Variants in CYP4F22 observed in about 807,000 individuals in gnomAD.
The protein encoded by CYP4F22 is cytochrome P450 family 4 subfamily F member 22, also known as ultra-long-chain fatty acid omega-hydroxylase.
A neutral mutation model predicts 60.4 loss-of-function variants in CYP4F22; 37 were observed. That is an observed-to-expected ratio of 0.61 (90% CI 0.47 to 0.81). The LOEUF (loss-of-function observed/expected upper bound fraction) is 0.81. Ranked by LOEUF, CYP4F22 falls within the 30% of genes least tolerant of loss-of-function variation. The pLI, the probability that CYP4F22 is intolerant of heterozygous loss-of-function variation, is 0.00. For synonymous variants in CYP4F22, 258 were observed against 280.5 expected (o/e 0.92, Z 0.80); for missense variants, 655 against 715.0 (o/e 0.92, Z 0.96).
intron 1 of CYP4F22, among the ~76,000 whole-genome samples, chr19:15,511,425 C>A (rs924522082): frequency 6.6e-6 from 1 of 152,068 alleles, no homozygotes. Flanking sequence ...CACCACTGCA[C>A]TCCAGCCTGA....
At position 15,540,727 on chromosome 19, in the gene CYP4F22, G is replaced by C. The variant is rs1568361500; in HGVS notation, c.939+10G>C. 1.4e-6 allele frequency: 1 copy of C among 729,958 alleles called. No homozygotes were observed. The highest frequency in any genetic ancestry group is 4.4e-4 in the Middle Eastern group (1 of 2,264). The allele number at this position is 729,958 out of a possible 1,614,324, so 45.2% of individuals were successfully genotyped here. ...GCTGCTCCTGGCCAGGGTGAGGCTG[G>C]GCCCCCTGGAATTGCTGGCCTCCCG... is the stretch of plus-strand genomic sequence containing the variant. On this transcript the variant is annotated intron_variant, in intron 8 of 13. Coordinates refer to ENST00000269703, the MANE Select transcript of CYP4F22 (RefSeq NM_173483.4).
intron 8 of CYP4F22, among the ~76,000 whole-genome samples, chr19:15,541,865 CAAA>C (rs1052977392): frequency 4.0e-5 from 4 of 99,668 alleles, no homozygotes; most frequent in Admixed American, 1.0e-4. Context: ...AACTCCGTCT[CAAA>C]AAAAAAAAAA....
At chr19:15,510,812 G>A (rs1022616527) in intron 1 of CYP4F22, among the ~76,000 whole-genome samples, 2 of 151,776 alleles carry the variant, frequency 1.3e-5, no homozygotes, top group African/African-American at 2.4e-5. Flanking sequence ...AGAGTGCTGA[G>A]TGGAGACTGA....
intron 7 of CYP4F22, among the ~76,000 whole-genome samples, chr19:15,538,579 AACAG>A (rs1971425888): frequency 6.6e-6 from 1 of 152,214 alleles, no homozygotes; most frequent in Non-Finnish European, 1.5e-5. Flanking sequence ...GGTGGTGAAC[AACAG>A]ACAGTCACAG....
At chr19:15,512,992 TTCTCTC>T (rs146066093) in intron 1 of CYP4F22, among the ~76,000 whole-genome samples, 5 of 148,196 alleles carry the variant, frequency 3.4e-5, no homozygotes, top group South Asian at 2.2e-4. Context: ...CTCAAAGCTT[TTCTCTC>T]TCTCTCTCTC....
intron 4 of CYP4F22, among the ~76,000 whole-genome samples, chr19:15,532,866 G>A (rs145183889): frequency 3.9e-5 from 6 of 152,256 alleles, no homozygotes; most frequent in Admixed American, 1.3e-4. Context: ...GATATTCTGT[G>A]TACCCCATCA....
intron 10 of CYP4F22, among the ~76,000 whole-genome samples, chr19:15,546,160 G>C (rs1971523966): frequency 6.6e-6 from 1 of 152,130 alleles, no homozygotes; most frequent in Non-Finnish European, 1.5e-5. Context: ...ATTTTTTTAA[G>C]AGATGGGGAC....
At chr19:15,516,875 G>T (rs539410332) in intron 1 of CYP4F22, 1 of 276,338 alleles carries the variant, frequency 3.6e-6, no homozygotes, top group East Asian at 8.8e-5. Flanking sequence ...CTGTTGCCAG[G>T]CTGGAGTGCA....
intron 1 of CYP4F22, among the ~76,000 whole-genome samples, chr19:15,510,217 A>C (rs1336915293): frequency 6.6e-6 from 1 of 151,936 alleles, no homozygotes; most frequent in African/African-American, 2.4e-5. Flanking sequence ...CTTGGGCTCA[A>C]GTGATCCACC....
chr19:15,544,789 G>A (rs915051762), intron 10 of CYP4F22, among the ~76,000 whole-genome samples: 1 of 152,136 alleles, frequency 6.6e-6, no homozygotes, highest in Non-Finnish European at 1.5e-5. Flanking sequence ...GGCCGGGTGG[G>A]GTGGCTCACG....
At chr19:15,538,671 G>A (rs996618978) in intron 7 of CYP4F22, among the ~76,000 whole-genome samples, 6 of 152,154 alleles carry the variant, frequency 3.9e-5, no homozygotes, top group Admixed American at 6.6e-5. Context: ...ACACATAGTA[G>A]GTCCTCAGTA....
At chr19:15,513,757 T>A (rs1971122482) in intron 1 of CYP4F22, among the ~76,000 whole-genome samples, 1 of 151,116 alleles carries the variant, frequency 6.6e-6, no homozygotes. Flanking sequence ...CCCCCCTCGG[T>A]CTCCCAAAGT....
intron 1 of CYP4F22, among the ~76,000 whole-genome samples, chr19:15,514,704 A>AGAAG (rs1218458370): frequency 6.6e-6 from 1 of 152,080 alleles, no homozygotes; most frequent in African/African-American, 2.4e-5. Flanking sequence ...AAAGAAAGAA[A>AGAAG]GAAGGAAGGA....
chr19:15,513,573 C>T (rs1971119885), intron 1 of CYP4F22, among the ~76,000 whole-genome samples: 1 of 151,950 alleles, frequency 6.6e-6, no homozygotes, highest in East Asian at 1.9e-4. Context: ...ACCGTGTTAG[C>T]TAGGATGGTC....
intron 1 of CYP4F22, chr19:15,515,315 A>T (rs554540436): frequency 1.7e-6 from 2 of 1,168,044 alleles, no homozygotes; most frequent in East Asian, 2.9e-5. Context: ...TTGGGATTTT[A>T]TAATGGTTCA....
chr19:15,545,684 AAAGAAAAG>A (rs146883497), intron 10 of CYP4F22, among the ~76,000 whole-genome samples: 11,765 of 59,988 alleles, frequency 0.2, 1,003 homozygotes, highest in African/African-American at 0.31. Flanking sequence ...AAAGAAAAGA[AAAGAAAAG>A]AAGAAAAACA....
At position 15,540,722 on chromosome 19, in the gene CYP4F22, G is replaced by A. The variant is rs1215095932; in HGVS notation, c.939+5G>A. 3.9e-6 allele frequency: 6 copies of A among 1,525,852 alleles called. No individual in the cohort carries two copies. The African/African-American group carries it at 9.1e-5, about 23-fold the overall frequency. The allele number at this position is 1,525,852 out of a possible 1,614,324, so 94.5% of individuals were successfully genotyped here. A position where few individuals can be genotyped will look rare whatever the true frequency, so the allele number is the denominator to read the frequency against. ...GATGTGCTGCTCCTGGCCAGGGTGA[G>A]GCTGGGCCCCCTGGAATTGCTGGCC... On this transcript the variant is annotated splice_donor_5th_base_variant and intron_variant, in intron 8 of 13. Coordinates refer to ENST00000269703, the MANE Select transcript of CYP4F22 (RefSeq NM_173483.4).
intron 1 of CYP4F22, among the ~76,000 whole-genome samples, chr19:15,515,687 CTG>C (rs1971145590): frequency 6.6e-6 from 1 of 151,930 alleles, no homozygotes; most frequent in African/African-American, 2.4e-5. Flanking sequence ...GATAGCACCA[CTG>C]TACTCCAGCC....
At chr19:15,511,774 C>T (rs980367408) in intron 1 of CYP4F22, among the ~76,000 whole-genome samples, 7 of 152,204 alleles carry the variant, frequency 4.6e-5, no homozygotes, top group Non-Finnish European at 7.3e-5. Flanking sequence ...TACCTGGCGT[C>T]GGCCTGGGTC....
Sources: allele counts gnomAD v4.1 joint callset (sites outside exome capture counted in the v4.1 genomes callset), GRCh38; gene constraint gnomAD v4.1.1; transcripts MANE v1.5; gene names NCBI Gene and HGNC (gene_info 2026-07-23, HGNC 2026-07-21).